Variants in IMMP2L observed in about 807,000 individuals in gnomAD.
The protein encoded by IMMP2L is inner mitochondrial membrane peptidase subunit 2.
A neutral mutation model predicts 19.3 loss-of-function variants in IMMP2L; 18 were observed. The observed-to-expected ratio is 0.93, with a 90% CI of 0.64 to 1.38. The LOEUF (loss-of-function observed/expected upper bound fraction) is 1.38, where lower values mean the gene tolerates loss of function less well. Ranked by LOEUF, IMMP2L falls within the 40% of genes most tolerant of loss-of-function variation. The pLI is 0.00. For synonymous variants in IMMP2L, 76 were observed against 73.0 expected (o/e 1.04, Z -0.21); for missense variants, 233 against 218.2 (o/e 1.07, Z -0.43).
At chr7:111,401,239 T>C (rs2131409356) in intron 3 of IMMP2L, among the ~76,000 whole-genome samples, 1 of 152,302 alleles carries the variant, frequency 6.6e-6, no homozygotes, top group Non-Finnish European at 1.5e-5. Flanking sequence ...TGCTAGTGAA[T>C]ACTTACCTGT....
chr7:111,369,801 C>G (rs999540028), intron 3 of IMMP2L, among the ~76,000 whole-genome samples: 1 of 151,870 alleles, frequency 6.6e-6, no homozygotes, highest in African/African-American at 2.4e-5. Context: ...CTTAGATATA[C>G]TATTTGTTAC....
intron 5 of IMMP2L, among the ~76,000 whole-genome samples, chr7:110,824,477 C>T (rs2131350210): frequency 6.6e-6 from 1 of 152,230 alleles, no homozygotes; most frequent in Non-Finnish European, 1.5e-5. Flanking sequence ...AGAGATCCTC[C>T]CATGTCAGCC....
intron 3 of IMMP2L, among the ~76,000 whole-genome samples, chr7:111,356,695 T>C (rs1828735795): frequency 6.6e-6 from 1 of 152,240 alleles, no homozygotes; most frequent in South Asian, 2.1e-4. Flanking sequence ...AAAGAAAGAA[T>C]TGACAATTTT....
At chr7:111,541,871 T>TA (rs1848531402) in intron 1 of IMMP2L, among the ~76,000 whole-genome samples, 1 of 152,106 alleles carries the variant, frequency 6.6e-6, no homozygotes, top group African/African-American at 2.4e-5. Flanking sequence ...AACCAACTGT[T>TA]ATCCAAGTAA....
In IMMP2L at chr7:110,662,821, A is replaced by G. The variant is rs144629761; in HGVS notation, c.*781T>C. ...TTCTTCTATTTCACTCAGAACTTTT[A>G]AACACATAGTATGACTAAATGCGGA... On this transcript the variant is annotated 3_prime_UTR_variant, in exon 6 of 6. Transcript: ENST00000405709. 7.2e-5 allele frequency among the ~76,000 whole-genome samples: 11 copies of G among 152,314 alleles called. No individual in the cohort carries two copies. In the East Asian group the frequency reaches 1.9e-3, roughly 27 times the overall value.
chr7:111,478,638 C>T (rs935508538), intron 3 of IMMP2L, among the ~76,000 whole-genome samples: 1 of 151,990 alleles, frequency 6.6e-6, no homozygotes, highest in African/African-American at 2.4e-5. Context: ...GTCACCCAGG[C>T]TGGTCTCAAA....
chr7:111,032,596 C>A (rs1045016190), intron 3 of IMMP2L, among the ~76,000 whole-genome samples: 1 of 152,078 alleles, frequency 6.6e-6, no homozygotes, highest in Non-Finnish European at 1.5e-5. Flanking sequence ...TCAAGGTGGG[C>A]AGATCACTTG....
At chr7:111,544,696 G>T (rs1318492111) in intron 1 of IMMP2L, among the ~76,000 whole-genome samples, 2 of 152,076 alleles carry the variant, frequency 1.3e-5, no homozygotes, top group African/African-American at 4.8e-5. Context: ...CAGAACTCAG[G>T]CTTAGTGTAA....
chr7:111,350,917 G>A (rs1461017705), intron 3 of IMMP2L, among the ~76,000 whole-genome samples: 3 of 152,150 alleles, frequency 2.0e-5, no homozygotes, highest in African/African-American at 7.2e-5. Flanking sequence ...ATGAAAAATA[G>A]ACTATGCATT....
chr7:111,544,302 G>A (rs554316218), intron 1 of IMMP2L, among the ~76,000 whole-genome samples: 22 of 152,098 alleles, frequency 1.4e-4, no homozygotes, highest in Admixed American at 7.9e-4. Context: ...TGTAAATGAC[G>A]AGTTAATGGG....
At chr7:110,992,120 C>T (rs1388845350) in intron 3 of IMMP2L, among the ~76,000 whole-genome samples, 1 of 152,058 alleles carries the variant, frequency 6.6e-6, no homozygotes, top group Non-Finnish European at 1.5e-5. Context: ...CATTTCTTTA[C>T]TTCTCTGAGA....
At chr7:111,451,358 T>C (rs1191577576) in intron 3 of IMMP2L, among the ~76,000 whole-genome samples, 4 of 151,046 alleles carry the variant, frequency 2.6e-5, no homozygotes, top group Non-Finnish European at 4.4e-5. Flanking sequence ...GTGGCACATA[T>C]ACACCATGGA....
chr7:110,789,240 G>T (rs548449936), intron 5 of IMMP2L, among the ~76,000 whole-genome samples: 12 of 151,880 alleles, frequency 7.9e-5, no homozygotes, highest in Non-Finnish European at 4.4e-5. Flanking sequence ...AGATGCCCCT[G>T]CTGTGTCCCA....
At chr7:111,209,524 T>C (rs1478794235) in intron 3 of IMMP2L, among the ~76,000 whole-genome samples, 1 of 152,196 alleles carries the variant, frequency 6.6e-6, no homozygotes, top group African/African-American at 2.4e-5. Flanking sequence ...AATACAGTAT[T>C]TCTCTAGCCT....
At position 111,236,452 on chromosome 7, in the gene IMMP2L, C is replaced by T. The variant is rs186193098; in HGVS notation, c.239+250786G>A. Among the ~76,000 whole-genome samples, 178 of 152,204 alleles carry T rather than the reference C, an allele frequency of 1.2e-3. 2 individuals are homozygous for T. Among genetic ancestry groups the T allele is most frequent in the Middle Eastern group, 3.4e-3 (1 of 294 alleles). On this transcript the variant is annotated intron_variant, in intron 3 of 5. Transcript: ENST00000405709. Reference sequence around the variant, plus strand: ...CTTCTGGTTATTCTATCTGATGCTTCGTGAATTATGAGGTTTTCCACTCTG... The same window carrying T: ...CTTCTGGTTATTCTATCTGATGCTTTGTGAATTATGAGGTTTTCCACTCTG...
intron 3 of IMMP2L, among the ~76,000 whole-genome samples, chr7:111,056,974 T>C (rs979619917): frequency 2.0e-5 from 3 of 152,140 alleles, no homozygotes; most frequent in Non-Finnish European, 4.4e-5. Context: ...GTACCCCAAA[T>C]TTACTTAAGA....
At chr7:110,720,257 G>A (rs10499993) in intron 5 of IMMP2L, among the ~76,000 whole-genome samples, 31,736 of 152,108 alleles carry the variant, frequency 0.21, 3,518 homozygotes, top group Admixed American at 0.26. Flanking sequence ...CTTATAACAC[G>A]TAGAGGTATA....
intron 3 of IMMP2L, among the ~76,000 whole-genome samples, chr7:110,973,629 A>G (rs758953): frequency 0.68 from 103,845 of 151,966 alleles, 36,434 homozygotes; most frequent in African/African-American, 0.83. Flanking sequence ...ATCTTATTCC[A>G]AATAATTAGG....
chr7:110,730,169 G>A (rs980474013), intron 5 of IMMP2L, among the ~76,000 whole-genome samples: 22 of 152,226 alleles, frequency 1.4e-4, no homozygotes, highest in Admixed American at 9.8e-4. Flanking sequence ...GTTCCTGGGT[G>A]CGTCTATGAG....
Sources: allele counts gnomAD v4.1 joint callset (sites outside exome capture counted in the v4.1 genomes callset), GRCh38; gene constraint gnomAD v4.1.1; transcripts MANE v1.5; gene names NCBI Gene and HGNC (gene_info 2026-07-23, HGNC 2026-07-21).